The following ZNF91 variants were observed in gnomAD, a reference collection of about 807,000 sequenced individuals.
ZNF91 encodes zinc finger protein 91 (HPF7, HTF10).
Under a neutral mutation model 12.6 loss-of-function variants are expected in ZNF91, and 7 were observed. The ratio of observed to expected loss-of-function variants is 0.55; its 90% CI spans 0.31 to 1.04. ZNF91 has a LOEUF of 1.04. Ranked by LOEUF, ZNF91 falls within the 50% of genes least tolerant of loss-of-function variation. The pLI is 0.05. For missense variants in ZNF91, 1,217 were observed against 1,385.4 expected (o/e 0.88, Z 1.93); for synonymous variants, 453 against 462.6 (o/e 0.98, Z 0.27).
At chr19:23,367,301 A>G (rs1195051257) in intron 3 of ZNF91, among the ~76,000 whole-genome samples, 2 of 152,198 alleles carry the variant, frequency 1.3e-5, no homozygotes, top group Admixed American at 1.3e-4. Flanking sequence ...TCAAACAAAA[A>G]CAACAAACAC....
intron 1 of ZNF91, among the ~76,000 whole-genome samples, chr19:23,330,768 G>GA (rs1355232870): frequency 5.3e-5 from 8 of 152,170 alleles, no homozygotes; most frequent in African/African-American, 1.9e-4. Flanking sequence ...ATGCTGGGAA[G>GA]AATACTTCTA....
intron 1 of ZNF91, chr19:23,324,094 T>TTCCTTTCC (rs1381318308): frequency 6.7e-6 from 1 of 149,238 alleles, no homozygotes; most frequent in Non-Finnish European, 1.5e-5. Context: ...CCTCCTTCTC[T>TTCCTTTCC]TCCTTTCCTC....
chr19:23,374,559 CAAAAAAAAAA>C lies in ZNF91; in HGVS notation c.157+69_157+78del, dbSNP rs59471254. 9 of 893,828 alleles carry C rather than the reference CAAAAAAAAAA, an allele frequency of 1.0e-5. No individual in the cohort carries two copies. In the African/African-American group the frequency reaches 2.1e-4, roughly 20 times the overall value. The allele number at this position is 893,828 out of a possible 1,614,324, so 55.4% of individuals were successfully genotyped here. A position where few individuals can be genotyped will look rare whatever the true frequency, so the allele number is the denominator to read the frequency against. ...TGGGCAACAGAGCAAGACTCTGTCT[CAAAAAAAAAA>C]AAAAAAAAAAAGAAAAGAAGTAAAA... On this transcript the variant is annotated intron_variant, in intron 2 of 3. Transcript: ENST00000300619.
chr19:23,382,846 A>C (rs1467292282), intron 1 of ZNF91, among the ~76,000 whole-genome samples: 1 of 152,226 alleles, frequency 6.6e-6, no homozygotes, highest in Non-Finnish European at 1.5e-5. Context: ...AGAAGCTCAA[A>C]AACTGAACTG....
intron 3 of ZNF91, among the ~76,000 whole-genome samples, chr19:23,373,042 A>G (rs1245264402): frequency 1.3e-5 from 2 of 152,276 alleles, no homozygotes; most frequent in Admixed American, 6.5e-5. Context: ...CCCTTGTGCA[A>G]ACCCAGCAGA....
At chr19:23,374,904 T>C (rs767694468) in intron 1 of ZNF91, 140 bp from the exon 2 acceptor site, 18 of 1,376,908 alleles carry the variant, frequency 1.3e-5, no homozygotes, top group Non-Finnish European at 1.8e-5. Flanking sequence ...AAAATAATTG[T>C]CAACACACAA....
At position 23,360,006 on chromosome 19, in the gene ZNF91, C is replaced by T. The variant is rs191521094; in HGVS notation, c.2973G>A (p.Glu991=). The part of the protein sequence containing the change: ...LTEHKIIHTG[E]KPYKCEECGK... ...CACATTCTTCACATTTGTAGGGTTT[C>T]TCTCCAGTATGAATTATCTTATGTT... The change falls in exon 4 of 4, where the codon GAG becomes GAA. Residue 991 remains glutamate (E), a synonymous_variant. Transcript: ENST00000300619. 5.8e-5 allele frequency: 93 copies of T among 1,613,566 alleles called. 2 individuals carry two copies. The East Asian group carries it at 1.7e-3, about 29-fold the overall frequency.
chr19:23,317,481 G>C (rs1337449164), intron 1 of ZNF91, among the ~76,000 whole-genome samples: 1 of 152,176 alleles, frequency 6.6e-6, no homozygotes, highest in East Asian at 1.9e-4. Context: ...CCAGCAGGGA[G>C]ATCTCAGAGC....
rs1320884666 is a variant in ZNF91, at chr19:23,359,917, G to T, written c.3062C>A (p.Pro1021Gln). 6.3e-7 allele frequency: 1 copy of T among 1,588,024 alleles called. No individual in the cohort carries two copies. Among genetic ancestry groups the T allele is most frequent in the East Asian group, 2.3e-5 (1 of 44,364 alleles). ...TTTGCCACATTCTTCACATTTGTATGGTTTCTCTCCAGTGTGCATCCTCGT... is the reference window on the plus strand; with the variant it reads ...TTTGCCACATTCTTCACATTTGTATTGTTTCTCTCCAGTGTGCATCCTCGT... ...RHTRMHTGEKPYKCEECGKAF... is the reference protein window; with the variant it reads ...RHTRMHTGEKQYKCEECGKAF... The change falls in exon 4 of 4, where the codon CCA becomes CAA. Residue 1021 changes from proline to glutamine, a missense_variant. Pro to Gln is a moderately conservative substitution (Grantham distance 76). Coordinates refer to ENST00000300619, the MANE Select transcript of ZNF91 (RefSeq NM_003430.4).
At chr19:23,343,310 C>G (rs903166051) in intron 3 of ZNF91, among the ~76,000 whole-genome samples, 13 of 152,106 alleles carry the variant, frequency 8.5e-5, no homozygotes, top group Non-Finnish European at 1.8e-4. Flanking sequence ...GAGATGAGAC[C>G]TGAGTTACTG....
chr19:23,363,012 A>G (rs1968874921), intron 3 of ZNF91, among the ~76,000 whole-genome samples: 1 of 152,192 alleles, frequency 6.6e-6, no homozygotes, highest in Admixed American at 6.5e-5. Flanking sequence ...TTTCATAGAC[A>G]TATATATGTA....
chr19:23,312,598 C>T (rs1967488734), upstream of ZNF91, among the ~76,000 whole-genome samples: 1 of 152,152 alleles, frequency 6.6e-6, no homozygotes, highest in East Asian at 1.9e-4. Flanking sequence ...TTGTGACTAT[C>T]ATACATAAAC....
downstream of ZNF91, among the ~76,000 whole-genome samples, chr19:23,355,645 C>G (rs899778219): frequency 2.0e-5 from 3 of 152,138 alleles, no homozygotes; most frequent in Admixed American, 6.5e-5. Flanking sequence ...GCAAAAGGAA[C>G]AGTCAGCAGA....
intron 3 of ZNF91, among the ~76,000 whole-genome samples, chr19:23,342,832 T>G (rs889089891): frequency 1.3e-5 from 2 of 151,904 alleles, no homozygotes; most frequent in African/African-American, 4.8e-5. Flanking sequence ...CTGAGCAGGA[T>G]TCAGACATTC....
upstream of ZNF91, among the ~76,000 whole-genome samples, chr19:23,314,474 C>A (rs1967520252): frequency 6.6e-6 from 1 of 152,106 alleles, no homozygotes; most frequent in Non-Finnish European, 1.5e-5. Context: ...ATCTCTGCGA[C>A]CATAAACTAG....
intron 1 of ZNF91, chr19:23,385,139 T>C: frequency 4.1e-6 from 3 of 736,116 alleles, no homozygotes; most frequent in South Asian, 3.2e-5. Flanking sequence ...GCCGAAGACA[T>C]GTTTCACCAT....
At chr19:23,372,821 A>G (rs1284496345) in intron 3 of ZNF91, among the ~76,000 whole-genome samples, 2 of 151,776 alleles carry the variant, frequency 1.3e-5, no homozygotes, top group East Asian at 3.9e-4. Flanking sequence ...TAGAAACCCA[A>G]AGTAACGTGG....
Position 23,374,729 on chromosome 19 carries a change from G to T in ZNF91, c.66C>A (p.Phe22Leu), listed in dbSNP as rs965285386. The change falls in exon 2 of 4, where the codon TTC (phenylalanine) becomes TTA (leucine). Residue 22 changes from phenylalanine to leucine, a missense_variant. Coordinates refer to ENST00000300619, the MANE Select transcript of ZNF91 (RefSeq NM_003430.4). ...CCAGACATTGCCACTCCTCCGGAGAGAATTCTATGGCCACATCCCTAAATG... is the reference window on the plus strand; with the variant it reads ...CCAGACATTGCCACTCCTCCGGAGATAATTCTATGGCCACATCCCTAAATG... ...LLTFRDVAIE[F>L]SPEEWQCLDT... 6.2e-7 allele frequency: 1 copy of T among 1,612,588 alleles called. No individual in the cohort carries two copies. The highest frequency in any genetic ancestry group is 1.3e-5 in the African/African-American group (1 of 74,976).
downstream of ZNF91, among the ~76,000 whole-genome samples, chr19:23,335,455 A>G (rs1285063136): frequency 6.6e-6 from 1 of 152,138 alleles, no homozygotes; most frequent in East Asian, 1.9e-4. Flanking sequence ...GGCCTCCTTG[A>G]GCTGCAGTGG....
Sources: allele counts gnomAD v4.1 joint callset (sites outside exome capture counted in the v4.1 genomes callset), GRCh38; gene constraint gnomAD v4.1.1; transcripts MANE v1.5; gene names NCBI Gene and HGNC (gene_info 2026-07-23, HGNC 2026-07-21).